The following C1orf159 variants were observed in gnomAD, a reference collection of about 807,000 sequenced individuals.
C1orf159 encodes uncharacterized protein C1orf159.
A neutral mutation model predicts 25.6 loss-of-function variants in C1orf159; 19 were observed. The observed-to-expected ratio is 0.74, with a 90% CI of 0.52 to 1.09. The LOEUF (loss-of-function observed/expected upper bound fraction) is 1.09. C1orf159 is among the 50% of genes least tolerant of loss of function. The pLI is 0.00. For synonymous variants in C1orf159, 139 were observed against 124.7 expected (o/e 1.12, Z -0.77); for missense variants, 274 against 290.6 (o/e 0.94, Z 0.42).
In C1orf159 at chr1:1,108,141, GCAGCACCGTCCACCACAGCCACCATGTCT is replaced by G; in HGVS notation, c.-136+7890_-136+7918del. On this transcript the variant is annotated intron_variant, in intron 1 of 9. Coordinates refer to ENST00000421241, the MANE Select transcript of C1orf159 (RefSeq NM_017891.5). ...TGTTCACCACAGCCACCATGTCTCA[GCAGCACCGTCCACCACAGCCACCATGTCT>G]CAGCACCGTTCACCACAGCCACCAT... Among the ~76,000 whole-genome samples the G allele has an allele frequency of 4.1e-5, 6 of 147,964 alleles. 1 individual carries two copies. Among genetic ancestry groups the G allele is most frequent in the Admixed American group, 2.0e-4 (3 of 14,872 alleles).
chr1:1,081,864 A>G lies in C1orf159; in HGVS notation c.*1029T>C, dbSNP rs1479835659. The G allele has an allele frequency of 6.6e-6, 1 of 152,252 alleles. No homozygotes were observed. Among genetic ancestry groups the G allele is most frequent in the Admixed American group, 6.5e-5 (1 of 15,292 alleles). 9.4% of individuals were successfully genotyped at this position (152,252 alleles called of 1,614,324 possible). On this transcript the variant is annotated 3_prime_UTR_variant, in exon 10 of 10. Coordinates refer to ENST00000421241, the MANE Select transcript of C1orf159 (RefSeq NM_017891.5). This position sits in a 1 kb window ranked among gnomAD's most constrained non-coding sequence, Gnocchi z 7.1. ...TTATATCAGCACACCCAGTGCCCCCACGTTCCCGCTGGCCCAGGTCCCGGA... is the reference window on the plus strand; with the variant it reads ...TTATATCAGCACACCCAGTGCCCCCGCGTTCCCGCTGGCCCAGGTCCCGGA...
At chr1:1,092,555 T>A (rs1645956707) in intron 1 of C1orf159, 1 of 152,916 alleles carries the variant, frequency 6.5e-6, no homozygotes, top group African/African-American at 2.4e-5. Context: ...GGGGCCTCCC[T>A]GGCAAGTTAC....
Position 1,087,468 on chromosome 1 carries a change from G to A in C1orf159, c.244+34C>T. The A allele has an allele frequency of 6.6e-7, 1 of 1,521,710 alleles. No homozygotes were observed. The highest frequency in any genetic ancestry group is 8.9e-7 in the Non-Finnish European group (1 of 1,123,826). 94.3% of individuals were successfully genotyped at this position (1,521,710 alleles called of 1,614,324 possible). A position where few individuals can be genotyped will look rare whatever the true frequency, so the allele number is the denominator to read the frequency against. ...CAGTGTCTCCCACAGCTGGAGCTGTGAGAAGGGAGCCGGGGGGAGCCGGGC... is the reference window on the plus strand; with the variant it reads ...CAGTGTCTCCCACAGCTGGAGCTGTAAGAAGGGAGCCGGGGGGAGCCGGGC... On this transcript the variant is annotated intron_variant, in intron 5 of 9. Coordinates refer to ENST00000421241, the MANE Select transcript of C1orf159 (RefSeq NM_017891.5). The surrounding 1 kb of genome is among the most constrained non-coding windows in gnomAD (Gnocchi z 8.3).
chr1:1,115,716 C>T (rs1169850993), intron 1 of C1orf159, among the ~76,000 whole-genome samples: 13 of 88,518 alleles, frequency 1.5e-4, no homozygotes, highest in East Asian at 3.5e-4. Flanking sequence ...GCTCCGGGAA[C>T]CCCCTCCCCT....
chr1:1,091,862 T>C (rs918030221), intron 2 of C1orf159, 129 bp downstream of exon 2: 9 of 383,372 alleles, frequency 2.3e-5, no homozygotes, highest in African/African-American at 1.8e-4. Flanking sequence ...TAAATGGAGA[T>C]GGGGCAGGGC....
chr1:1,088,247 G>C (rs1218404691), intron 4 of C1orf159, among the ~76,000 whole-genome samples: 1 of 64,534 alleles, frequency 1.5e-5, no homozygotes, highest in Non-Finnish European at 2.8e-5. Context: ...CCTCCCCCAG[G>C]GTCCCCCACG....
chr1:1,106,230 T>G (rs1646169087), intron 1 of C1orf159: 1 of 152,142 alleles, frequency 6.6e-6, no homozygotes. Flanking sequence ...ACACCTACAT[T>G]AAATACAAAT....
intron 1 of C1orf159, among the ~76,000 whole-genome samples, chr1:1,099,533 C>G (rs1646065363): frequency 6.8e-6 from 1 of 146,476 alleles, no homozygotes; most frequent in African/African-American, 2.6e-5. Flanking sequence ...TGTTTTTGGT[C>G]TATTGTTCTA....
At chr1:1,091,304 T>C (rs1242776453) in intron 3 of C1orf159, 168 bp downstream of exon 3, 1 of 751,380 alleles carries the variant, frequency 1.3e-6, no homozygotes, top group Non-Finnish European at 2.3e-6. Flanking sequence ...GGCTCCCCTC[T>C]GCGAGGCACA....
chr1:1,084,274 T>A, intron 9 of C1orf159, 79 bp downstream of exon 9: 1 of 1,519,990 alleles, frequency 6.6e-7, no homozygotes, highest in Non-Finnish European at 8.8e-7. Flanking sequence ...CAAACCCGTT[T>A]GGGGACAAAC....
At chr1:1,115,728 C>T (rs1413975039) in intron 1 of C1orf159, among the ~76,000 whole-genome samples, 8 of 114,754 alleles carry the variant, frequency 7.0e-5, no homozygotes, top group African/African-American at 2.5e-4. Context: ...CCCTCCCCTC[C>T]TTAGGGACCC....
chr1:1,091,341 T>G lies in C1orf159; in HGVS notation c.72+131A>C, dbSNP rs895772173. On this transcript the variant is annotated intron_variant, in intron 3 of 9. Coordinates refer to ENST00000421241, the MANE Select transcript of C1orf159 (RefSeq NM_017891.5). The stretch of plus-strand genomic sequence containing the variant: ...GCCCCTCTGACCCCAGCAGTGGACC[T>G]GGTCAGCACCTCTGGGGCTGGGACA... The G allele has an allele frequency of 6.7e-6, 6 of 901,932 alleles. No individual in the cohort carries two copies. In the African/African-American group the frequency reaches 9.9e-5, roughly 15 times the overall value. 55.9% of individuals were successfully genotyped at this position (901,932 alleles called of 1,614,324 possible).
chr1:1,083,467 C>T (rs940951762), intron 9 of C1orf159: 9 of 207,024 alleles, frequency 4.3e-5, no homozygotes, highest in Non-Finnish European at 5.8e-5. Context: ...AGAGAGAAGA[C>T]GCAGAGGTGG....
chr1:1,104,244 C>A (rs1349463483), intron 1 of C1orf159, among the ~76,000 whole-genome samples: 1 of 152,232 alleles, frequency 6.6e-6, no homozygotes, highest in East Asian at 1.9e-4. Context: ...GCCTCTGCCT[C>A]CCAAAGTGCT....
rs1482380654 is a variant in C1orf159, at chr1:1,089,028, G to C, written c.148+1325C>G. On this transcript the variant is annotated intron_variant, in intron 4 of 9. Coordinates refer to ENST00000421241, the MANE Select transcript of C1orf159 (RefSeq NM_017891.5). The surrounding 1 kb of genome is among the most constrained non-coding windows in gnomAD (Gnocchi z 7.5). ...TCTGCCCCGGAGGCCGAAGAACGGA[G>C]TCCACGGCAGGGAGCCAAACACCAG... Among the ~76,000 whole-genome samples the C allele has an allele frequency of 1.3e-5, 2 of 152,230 alleles. No homozygotes were observed. Among genetic ancestry groups the C allele is most frequent in the African/African-American group, 4.8e-5 (2 of 41,462 alleles).
At chr1:1,102,808 A>C (rs1646121396) in intron 1 of C1orf159, among the ~76,000 whole-genome samples, 1 of 151,538 alleles carries the variant, frequency 6.6e-6, no homozygotes, top group Non-Finnish European at 1.5e-5. Context: ...AAATAAATAA[A>C]TAAAATAAAA....
chr1:1,098,002 T>C (rs1247588111), intron 1 of C1orf159, among the ~76,000 whole-genome samples: 5 of 152,158 alleles, frequency 3.3e-5, no homozygotes, highest in Non-Finnish European at 7.3e-5. Flanking sequence ...ACAATTTTGA[T>C]GTTATATTTT....
chr1:1,091,125 G>T, intron 3 of C1orf159: 1 of 675,900 alleles, frequency 1.5e-6, no homozygotes, highest in Non-Finnish European at 2.5e-6. Flanking sequence ...CACCCGCTCC[G>T]CCTGGGAGTC....
At chr1:1,112,446 A>T (rs1371515190) in intron 1 of C1orf159, among the ~76,000 whole-genome samples, 1 of 149,832 alleles carries the variant, frequency 6.7e-6, no homozygotes, top group Non-Finnish European at 1.5e-5. Flanking sequence ...GTGAACACAC[A>T]GCGCATGCTC....
Sources: gnomAD v4.1 joint callset for allele counts (sites outside exome capture counted in the v4.1 genomes callset) on GRCh38, gnomAD v4.1.1 for gene constraint, Gnocchi (gnomAD v3.1) non-coding constraint, MANE v1.5 for transcripts, NCBI Gene and HGNC (gene_info 2026-07-23, HGNC 2026-07-21) for gene names.